CA12: variants seen among roughly 807,000 people sequenced by gnomAD.
CA12 encodes the protein carbonate dehydratase XII.
Under a neutral mutation model 46.8 loss-of-function variants are expected in CA12, and 36 were observed. The observed-to-expected ratio is 0.77, with a 90% CI of 0.59 to 1.02. CA12 has a LOEUF of 1.02. Among genes scored for constraint, CA12 ranks in the 50% least tolerant of loss-of-function variants. CA12 has a pLI of 0.00. For missense variants in CA12, 436 were observed against 451.4 expected, an observed-to-expected ratio of 0.97 and a Z score of 0.31; for synonymous variants, 202 against 187.0, an observed-to-expected ratio of 1.08 and a Z score of -0.65.
chr15:63,354,456 G>A (rs2039270289), intron 2 of CA12, among the ~76,000 whole-genome samples: 1 of 152,154 alleles, frequency 6.6e-6, no homozygotes, highest in Non-Finnish European at 1.5e-5. Flanking sequence ...GTTGAGACTT[G>A]GGCTTGGTAA....
Position 63,341,799 on chromosome 15 carries a change from A to G in CA12, c.525+203T>C, listed in dbSNP as rs552778215. ...TCCAACGGACCAAAGAACATTCCCC[A>G]TTTCTGCTGCCCAGGCACAGAAAGT... On this transcript the variant is annotated intron_variant, in intron 5 of 10. Coordinates refer to ENST00000178638, the MANE Select transcript of CA12 (RefSeq NM_001218.5). The surrounding 1 kb of genome is among the most constrained non-coding windows in gnomAD (Gnocchi z 5.2). Among the ~76,000 whole-genome samples the G allele has an allele frequency of 6.6e-6, 1 of 152,248 alleles. No individual in the cohort carries two copies. Among genetic ancestry groups the G allele is most frequent in the East Asian group, 1.9e-4 (1 of 5,172 alleles).
At chr15:63,371,861 T>C (rs2039512985) in intron 2 of CA12, among the ~76,000 whole-genome samples, 1 of 152,132 alleles carries the variant, frequency 6.6e-6, no homozygotes, top group Non-Finnish European at 1.5e-5. Context: ...GTTTTTGGGT[T>C]TTTTGTTTTG....
At chr15:63,380,092 C>G (rs1301970953) in intron 1 of CA12, among the ~76,000 whole-genome samples, 1 of 152,158 alleles carries the variant, frequency 6.6e-6, no homozygotes, top group Non-Finnish European at 1.5e-5. Context: ...TTGACCTGTC[C>G]TCTAAGGCAG....
chr15:63,377,738 C>T (rs112621378), intron 1 of CA12, among the ~76,000 whole-genome samples: 52 of 152,258 alleles, frequency 3.4e-4, no homozygotes, highest in Admixed American at 6.5e-4. Flanking sequence ...GATTCTTTTG[C>T]TATTATCTCC....
At chr15:63,356,685 G>C (rs1162719590) in intron 2 of CA12, among the ~76,000 whole-genome samples, 4 of 152,014 alleles carry the variant, frequency 2.6e-5, no homozygotes, top group Admixed American at 2.0e-4. Flanking sequence ...ACCACACCCA[G>C]CTAATTTTTG....
In CA12 at chr15:63,381,439, G is replaced by A. The variant is rs112837711; in HGVS notation, c.85+197C>T. Among the ~76,000 whole-genome samples the A allele has an allele frequency of 1.1e-3, 169 of 152,310 alleles. 1 individual carries two copies. In the South Asian group the frequency reaches 0.032, roughly 29 times the overall value. On this transcript the variant is annotated intron_variant, in intron 1 of 10. Coordinates refer to ENST00000178638, the MANE Select transcript of CA12 (RefSeq NM_001218.5). ...TTTTAACACCAAATCTGCGCCAAGCGCCACTAGAAAGCAACGTGCTTCCCG... is the reference window on the plus strand; with the variant it reads ...TTTTAACACCAAATCTGCGCCAAGCACCACTAGAAAGCAACGTGCTTCCCG...
At chr15:63,367,146 C>T (rs1221746870) in intron 2 of CA12, among the ~76,000 whole-genome samples, 4 of 152,118 alleles carry the variant, frequency 2.6e-5, no homozygotes, top group Non-Finnish European at 5.9e-5. Context: ...GTCTCAAACT[C>T]CTGACCTCAA....
intron 8 of CA12, among the ~76,000 whole-genome samples, chr15:63,333,861 T>C (rs778627096): frequency 2.5e-4 from 38 of 152,322 alleles, no homozygotes; most frequent in African/African-American, 8.4e-4. Flanking sequence ...GCAAGCCCAC[T>C]AATGATGTGA....
At position 63,375,649 on chromosome 15, in the gene CA12, T is replaced by G. The variant is rs767486483; in HGVS notation, c.106+9A>C. On this transcript the variant is annotated intron_variant, in intron 2 of 10. Transcript: ENST00000178638. Reference sequence around the variant, plus strand: ...TTTCAACAAAAAAGTATTTAAAATCTCTACTTACCAAAATAAGTCCACTTG... The same window carrying G: ...TTTCAACAAAAAAGTATTTAAAATCGCTACTTACCAAAATAAGTCCACTTG... The G allele has an allele frequency of 4.2e-5, 64 of 1,536,084 alleles. No homozygotes were observed. The highest frequency in any genetic ancestry group is 5.4e-5 in the Non-Finnish European group (60 of 1,112,468).
In CA12 at chr15:63,342,110, A is replaced by T. The variant is rs1429299666; in HGVS notation, c.430-13T>A. On this transcript the variant is annotated splice_polypyrimidine_tract_variant and intron_variant, in intron 4 of 10. Transcript: ENST00000178638. ...GGACAATGTGCAGCTGCAGTGGGGG[A>T]GAAGCCACCCATTAGGAGATAAGCG... 6.3e-7 allele frequency: 1 copy of T among 1,577,058 alleles called. No homozygotes were observed. Among genetic ancestry groups the T allele is most frequent in the Non-Finnish European group, 8.7e-7 (1 of 1,146,786 alleles).
At chr15:63,368,692 T>A (rs1499607) in intron 2 of CA12, among the ~76,000 whole-genome samples, 1 of 152,186 alleles carries the variant, frequency 6.6e-6, no homozygotes, top group Admixed American at 6.5e-5. Context: ...GGTAGCAGAA[T>A]GGTCAAGTCG....
chr15:63,337,646 G>C (rs747269900), intron 8 of CA12, among the ~76,000 whole-genome samples: 1 of 152,110 alleles, frequency 6.6e-6, no homozygotes, highest in Admixed American at 6.5e-5. Context: ...TAGTAGAGAC[G>C]TGGTTTCACC....
Position 63,327,492 on chromosome 15 carries a change from A to C in CA12, c.908-259T>G, listed in dbSNP as rs554242160. Among the ~76,000 whole-genome samples, 16 of 148,964 alleles carry C rather than the reference A, an allele frequency of 1.1e-4. No homozygotes were observed. The highest frequency in any genetic ancestry group is 3.7e-4 in the African/African-American group (15 of 40,518). Reference sequence around the variant, plus strand: ...AGGGTCATCTGAAGAGCTTGTTTAAAATGTAGGGTTTTTTTTTTTTTTTTA... The same window carrying C: ...AGGGTCATCTGAAGAGCTTGTTTAACATGTAGGGTTTTTTTTTTTTTTTTA... On this transcript the variant is annotated intron_variant, in intron 9 of 10. Coordinates refer to ENST00000178638, the MANE Select transcript of CA12 (RefSeq NM_001218.5). This position sits in a 1 kb window ranked among gnomAD's most constrained non-coding sequence, Gnocchi z 4.5.
At position 63,348,550 on chromosome 15, in the gene CA12, C is replaced by A. The variant is rs1464161351; in HGVS notation, c.107-1841G>T. ...AGGCTGCCAGCCTTTTCTGTGCTCA[C>A]AATACTGCCTGGGCCCACAGCCAGC... On this transcript the variant is annotated intron_variant, in intron 2 of 10. Transcript: ENST00000178638. The surrounding 1 kb of genome is among the most constrained non-coding windows in gnomAD (Gnocchi z 4.6). Among the ~76,000 whole-genome samples the A allele has an allele frequency of 6.6e-6, 1 of 152,224 alleles. No individual in the cohort carries two copies. The highest frequency in any genetic ancestry group is 2.4e-5 in the African/African-American group (1 of 41,456).
At chr15:63,366,076 G>C (rs556932976) in intron 2 of CA12, among the ~76,000 whole-genome samples, 1 of 150,068 alleles carries the variant, frequency 6.7e-6, no homozygotes, top group East Asian at 2.0e-4. Flanking sequence ...GGGAGGCAGT[G>C]GTTGCAGTGA....
chr15:63,333,120 T>C (rs1206345973), intron 8 of CA12, among the ~76,000 whole-genome samples: 1 of 152,098 alleles, frequency 6.6e-6, no homozygotes, highest in African/African-American at 2.4e-5. Context: ...CTTGAAAGAA[T>C]TTTCCAGATG....
In CA12 at chr15:63,374,754, C is replaced by T. The variant is rs2039550686; in HGVS notation, c.106+904G>A. ...GTGCTTCCACTGTAGTAATCAACTT[C>T]CCGCCTGTCCCCGCCCACAGCCATT... On this transcript the variant is annotated intron_variant, in intron 2 of 10. Transcript: ENST00000178638. This position sits in a 1 kb window ranked among gnomAD's most constrained non-coding sequence, Gnocchi z 4.4. Among the ~76,000 whole-genome samples the T allele has an allele frequency of 6.6e-6, 1 of 152,184 alleles. No individual in the cohort carries two copies. The highest frequency in any genetic ancestry group is 6.5e-5 in the Admixed American group (1 of 15,280).
chr15:63,376,891 C>G (rs1394792351), intron 1 of CA12, among the ~76,000 whole-genome samples: 3 of 152,094 alleles, frequency 2.0e-5, no homozygotes, highest in African/African-American at 7.2e-5. Flanking sequence ...GATCTGCCCA[C>G]TCCAGCCTCC....
At position 63,346,611 on chromosome 15, in the gene CA12, C is replaced by T. The variant is rs751146882; in HGVS notation, c.205G>A (p.Ala69Thr). ...DLHSDILQYDASLTPLEFQGY... is the reference protein window; with the variant it reads ...DLHSDILQYDTSLTPLEFQGY... The stretch of plus-strand genomic sequence containing the variant: ...TGGAACTCGAGGGGCGTGAGGCTGG[C>T]GTCATACTGGAGGATGTCACTGTGC... Residue 69 changes from alanine to threonine, a missense_variant, in exon 3 of 11, where the codon GCC becomes ACC. Coordinates refer to ENST00000178638, the MANE Select transcript of CA12 (RefSeq NM_001218.5). 3.4e-5 allele frequency: 55 copies of T among 1,613,544 alleles called. No individual in the cohort carries two copies. The highest frequency in any genetic ancestry group is 1.6e-4 in the Middle Eastern group (1 of 6,062).
Sources: gnomAD v4.1 joint callset for allele counts (sites outside exome capture counted in the v4.1 genomes callset) on GRCh38, gnomAD v4.1.1 for gene constraint, Gnocchi (gnomAD v3.1) non-coding constraint, MANE v1.5 for transcripts, NCBI Gene and HGNC (gene_info 2026-07-23, HGNC 2026-07-21) for gene names.